HMGB1: variants seen among roughly 807,000 people sequenced by gnomAD.
HMGB1 encodes the protein high mobility group box 1.
For missense variants in HMGB1, 79 were observed against 253.5 expected, an observed-to-expected ratio of 0.31 and a Z score of 4.67; for synonymous variants, 81 against 84.0, an observed-to-expected ratio of 0.96 and a Z score of 0.19.
intron 1 of HMGB1, among the ~76,000 whole-genome samples, chr13:30,472,340 C>T (rs575863695): frequency 4.6e-5 from 7 of 152,288 alleles, no homozygotes; most frequent in African/African-American, 1.2e-4. Flanking sequence ...GTGGCTCACA[C>T]TGGTAATCCC....
intron 1 of HMGB1, among the ~76,000 whole-genome samples, chr13:30,506,835 T>A (rs757719095): frequency 9.9e-5 from 15 of 152,124 alleles, no homozygotes; most frequent in Non-Finnish European, 2.1e-4. Flanking sequence ...TGTGTGGGTA[T>A]CACCCTCTCC....
chr13:30,566,222 G>A (rs1450801721), intron 1 of HMGB1, among the ~76,000 whole-genome samples: 2 of 152,172 alleles, frequency 1.3e-5, no homozygotes, highest in African/African-American at 4.8e-5. Flanking sequence ...GGTGAAACTA[G>A]AACTTAAGGG....
At chr13:30,568,010 C>A (rs1411027437) in intron 1 of HMGB1, among the ~76,000 whole-genome samples, 1 of 152,150 alleles carries the variant, frequency 6.6e-6, no homozygotes, top group Non-Finnish European at 1.5e-5. Flanking sequence ...TTCAATGGTC[C>A]CATGACAACA....
At chr13:30,560,452 C>A (rs987842393) in intron 1 of HMGB1, among the ~76,000 whole-genome samples, 1 of 152,122 alleles carries the variant, frequency 6.6e-6, no homozygotes, top group African/African-American at 2.4e-5. Flanking sequence ...AGTAGGGATA[C>A]CCCATTATAA....
chr13:30,462,462 T>C (rs767149749), intron 4 of HMGB1, 76 bp downstream of exon 4: 11 of 1,195,924 alleles, frequency 9.2e-6, no homozygotes, highest in Middle Eastern at 3.8e-4. Flanking sequence ...TAAAAACTTA[T>C]TACACCTCAA....
chr13:30,611,374 G>A (rs1425476813), intron 1 of HMGB1, among the ~76,000 whole-genome samples: 1 of 152,134 alleles, frequency 6.6e-6, no homozygotes, highest in Admixed American at 6.5e-5. Context: ...ATGCTGGCCA[G>A]GCTGGTCTCG....
chr13:30,534,703 G>T (rs886690078), intron 1 of HMGB1, among the ~76,000 whole-genome samples: 1 of 142,004 alleles, frequency 7.0e-6, no homozygotes, highest in African/African-American at 2.6e-5. Context: ...TCAGCCTCCC[G>T]AGCAGCTGGG....
At chr13:30,572,146 A>G (rs1195636475) in intron 1 of HMGB1, among the ~76,000 whole-genome samples, 1 of 152,230 alleles carries the variant, frequency 6.6e-6, no homozygotes, top group Non-Finnish European at 1.5e-5. Context: ...CAAGTATAAA[A>G]CAATGCCAGG....
intron 1 of HMGB1, among the ~76,000 whole-genome samples, chr13:30,501,519 G>GC (rs1251585038): frequency 6.6e-6 from 1 of 151,994 alleles, no homozygotes; most frequent in Non-Finnish European, 1.5e-5. Context: ...TGTTTTAGAA[G>GC]AAGGGTAAGA....
At chr13:30,579,413 A>T (rs1566030799) in intron 1 of HMGB1, among the ~76,000 whole-genome samples, 1 of 152,218 alleles carries the variant, frequency 6.6e-6, no homozygotes, top group African/African-American at 2.4e-5. Context: ...TGGTTTTAAA[A>T]GAGGCTTGGA....
intron 1 of HMGB1, among the ~76,000 whole-genome samples, chr13:30,495,451 A>T (rs1206547639): frequency 6.6e-6 from 1 of 150,806 alleles, no homozygotes; most frequent in African/African-American, 2.4e-5. Flanking sequence ...CCAGAGCGAC[A>T]CTGAATATTT....
chr13:30,555,073 G>C (rs1363980822), intron 1 of HMGB1, among the ~76,000 whole-genome samples: 1 of 111,980 alleles, frequency 8.9e-6, no homozygotes, highest in African/African-American at 3.5e-5. Flanking sequence ...CGGAGTCTCT[G>C]CTCTGTTGCC....
At position 30,559,135 on chromosome 13, in the gene HMGB1, G is replaced by C. The variant is rs190115578; in HGVS notation, c.-15+57536C>G. Among the ~76,000 whole-genome samples the C allele has an allele frequency of 6.6e-6, 1 of 152,088 alleles. No individual in the cohort carries two copies. The highest frequency in any genetic ancestry group is 1.9e-4 in the East Asian group (1 of 5,176). On this transcript the variant is annotated intron_variant, in intron 1 of 4. Transcript: ENST00000405805. This position sits in a 1 kb window ranked among gnomAD's most constrained non-coding sequence, Gnocchi z 6.6. ...AATAGGTGAGTCTGTTTCTTACATT[G>C]CCAAATGTACCTGGGGTGGGGGGTG...
intron 1 of HMGB1, among the ~76,000 whole-genome samples, chr13:30,606,547 C>G (rs1302728267): frequency 6.6e-6 from 1 of 152,138 alleles, no homozygotes; most frequent in African/African-American, 2.4e-5. Flanking sequence ...AAAATAGTGC[C>G]TCCGAACACT....
chr13:30,498,430 G>A (rs957974458), intron 1 of HMGB1, among the ~76,000 whole-genome samples: 2 of 152,180 alleles, frequency 1.3e-5, no homozygotes, highest in Middle Eastern at 3.4e-3. Context: ...GGATGCAGCA[G>A]GAGCGGGAGG....
At chr13:30,472,631 AAC>A (rs1458133426) in intron 1 of HMGB1, among the ~76,000 whole-genome samples, 1 of 152,086 alleles carries the variant, frequency 6.6e-6, no homozygotes, top group African/African-American at 2.4e-5. Context: ...AGAAAACAAC[AAC>A]AACAACAAAA....
intron 1 of HMGB1, among the ~76,000 whole-genome samples, chr13:30,573,842 C>T (rs1870536177): frequency 6.6e-6 from 1 of 151,948 alleles, no homozygotes; most frequent in African/African-American, 2.4e-5. Context: ...TTTGCAGAGA[C>T]GAGGTTTCAC....
At chr13:30,583,839 AAAAG>A (rs753686706) in intron 1 of HMGB1, among the ~76,000 whole-genome samples, 6,726 of 137,182 alleles carry the variant, frequency 0.049, 205 homozygotes, top group South Asian at 0.14. Flanking sequence ...AAAAAAAAAA[AAAAG>A]AAAGAAAGAA....
Position 30,567,951 on chromosome 13 carries a change from T to C in HMGB1, c.-15+48720A>G, listed in dbSNP as rs141950231. Among the ~76,000 whole-genome samples the C allele has an allele frequency of 1.6e-4, 24 of 152,320 alleles. 1 individual carries two copies. In the East Asian group the frequency reaches 4.4e-3, roughly 28 times the overall value. On this transcript the variant is annotated intron_variant, in intron 1 of 4. Coordinates refer to the HMGB1 transcript ENST00000405805. The stretch of plus-strand genomic sequence containing the variant: ...ACTGCTGTGCTCCTGCAGCTAAAGA[T>C]GAAGACTCGTCCATTGGGCAGTTGA...
Sources: gnomAD v4.1 joint callset for allele counts (sites outside exome capture counted in the v4.1 genomes callset) on GRCh38, gnomAD v4.1.1 for gene constraint, Gnocchi (gnomAD v3.1) non-coding constraint, MANE v1.5 for transcripts, NCBI Gene and HGNC (gene_info 2026-07-23, HGNC 2026-07-21) for gene names.